Variants in SLC12A8 observed in about 807,000 individuals in gnomAD.
The protein encoded by SLC12A8 is cation-chloride cotransporter 9.
SLC12A8 carries 69 observed loss-of-function variants against 75.6 expected under a neutral mutation model. The observed-to-expected ratio is 0.91, with a 90% CI of 0.75 to 1.11. SLC12A8 has a LOEUF of 1.11. Ranked by LOEUF, SLC12A8 falls within the 50% of genes most tolerant of loss-of-function variation. The pLI is 0.00. For synonymous variants in SLC12A8, 365 were observed against 372.8 expected (o/e 0.98, Z 0.24); for missense variants, 877 against 896.7 (o/e 0.98, Z 0.28).
intron 5 of SLC12A8, among the ~76,000 whole-genome samples, chr3:125,149,756 G>GA (rs1281729119): frequency 2.6e-5 from 4 of 151,908 alleles, no homozygotes. Flanking sequence ...GGGCAGAGGG[G>GA]AAAAAGAGAG....
intron 4 of SLC12A8, among the ~76,000 whole-genome samples, chr3:125,183,506 C>A (rs752049038): frequency 6.6e-6 from 1 of 152,120 alleles, no homozygotes; most frequent in Non-Finnish European, 1.5e-5. Context: ...CCTGGAGGAC[C>A]AGCGCTGCCC....
chr3:125,101,126 G>A (rs1579468532), intron 10 of SLC12A8, among the ~76,000 whole-genome samples: 2 of 151,992 alleles, frequency 1.3e-5, no homozygotes, highest in East Asian at 1.9e-4. Flanking sequence ...TACACACTGT[G>A]TAGTGGTTAA....
intron 12 of SLC12A8, among the ~76,000 whole-genome samples, chr3:125,089,562 T>C (rs1287138107): frequency 6.7e-6 from 1 of 149,560 alleles, no homozygotes; most frequent in Non-Finnish European, 1.5e-5. Context: ...CATAAGGACC[T>C]CTTCTTAACA....
At chr3:125,164,537 G>A (rs1934245876) in intron 5 of SLC12A8, among the ~76,000 whole-genome samples, 1 of 152,236 alleles carries the variant, frequency 6.6e-6, no homozygotes, top group African/African-American at 2.4e-5. Flanking sequence ...GGAAATGCAG[G>A]AGGAAAAGGA....
chr3:125,101,018 T>C (rs1182598558), intron 10 of SLC12A8, among the ~76,000 whole-genome samples: 1 of 12,946 alleles, frequency 7.7e-5, no homozygotes, highest in African/African-American at 3.2e-4. Context: ...AGACTCCGTC[T>C]CAAAAAAAAA....
intron 5 of SLC12A8, among the ~76,000 whole-genome samples, chr3:125,168,275 A>G (rs932527479): frequency 6.6e-6 from 1 of 152,202 alleles, no homozygotes; most frequent in African/African-American, 2.4e-5. Flanking sequence ...CATTCAGATG[A>G]TAAGCTGATT....
At chr3:125,162,416 G>A (rs539420084) in intron 5 of SLC12A8, among the ~76,000 whole-genome samples, 3 of 152,120 alleles carry the variant, frequency 2.0e-5, no homozygotes, top group East Asian at 1.9e-4. Context: ...ACCTTTCTGC[G>A]ATCCCAGTAT....
At chr3:125,187,794 G>C (rs770457052) in intron 3 of SLC12A8, among the ~76,000 whole-genome samples, 2 of 147,276 alleles carry the variant, frequency 1.4e-5, no homozygotes, top group African/African-American at 2.5e-5. Context: ...TGCCTGGAAG[G>C]CCTCTCCTGC....
chr3:125,165,506 C>T (rs1005948295), intron 5 of SLC12A8, among the ~76,000 whole-genome samples: 2 of 152,208 alleles, frequency 1.3e-5, no homozygotes, highest in African/African-American at 4.8e-5. Flanking sequence ...GGGGACACGC[C>T]CTGCTGGGAG....
chr3:125,169,355 T>C (rs669532), intron 5 of SLC12A8, among the ~76,000 whole-genome samples: 152,227 of 152,248 alleles, frequency 1, 76,103 homozygotes, highest in Middle Eastern at 1. Flanking sequence ...TTTGGAAGGA[T>C]GGGACAGGAG....
intron 5 of SLC12A8, among the ~76,000 whole-genome samples, chr3:125,145,360 T>C (rs759228251): frequency 7.9e-5 from 12 of 152,074 alleles, no homozygotes; most frequent in Non-Finnish European, 1.8e-4. Flanking sequence ...ATGCAAAAAA[T>C]ATAAAACATT....
At chr3:125,132,155 G>T (rs1055799189) in intron 6 of SLC12A8, among the ~76,000 whole-genome samples, 1 of 152,210 alleles carries the variant, frequency 6.6e-6, no homozygotes, top group African/African-American at 2.4e-5. Flanking sequence ...TGGAGCTGGT[G>T]CAGAGCATGG....
chr3:125,085,640 G>A (rs1028150122), intron 13 of SLC12A8, among the ~76,000 whole-genome samples: 3 of 152,188 alleles, frequency 2.0e-5, no homozygotes, highest in Admixed American at 6.5e-5. Flanking sequence ...TGCAGTGGTT[G>A]ATCTCAGCTT....
At chr3:125,211,421 G>T in intron 1 of SLC12A8, 27 bp from the exon 2 acceptor site, 2 of 1,285,104 alleles carry the variant, frequency 1.6e-6, no homozygotes, top group Non-Finnish European at 1.1e-6. Context: ...TCCTTGGTCA[G>T]GCTGGCTTCT....
At chr3:125,096,240 C>T (rs1938707948) in intron 10 of SLC12A8, among the ~76,000 whole-genome samples, 1 of 152,186 alleles carries the variant, frequency 6.6e-6, no homozygotes, top group African/African-American at 2.4e-5. Context: ...ATCATCTTCC[C>T]AGTGAGATCT....
intron 10 of SLC12A8, among the ~76,000 whole-genome samples, chr3:125,098,130 C>T (rs774596425): frequency 1.3e-5 from 2 of 151,948 alleles, no homozygotes; most frequent in African/African-American, 4.8e-5. Context: ...AAATATTAAA[C>T]CCTCTGTGAA....
chr3:125,173,744 CA>C (rs1401384196), intron 5 of SLC12A8, among the ~76,000 whole-genome samples: 2 of 152,196 alleles, frequency 1.3e-5, no homozygotes, highest in African/African-American at 4.8e-5. Context: ...AAAAAATTTG[CA>C]AAACACACAT....
chr3:125,107,801 A>G lies in SLC12A8; in HGVS notation c.1385T>C (p.Met462Thr). 3 of 1,614,050 alleles carry G rather than the reference A, an allele frequency of 1.9e-6. No homozygotes were observed. Among genetic ancestry groups the G allele is most frequent in the Non-Finnish European group, 1.7e-6 (2 of 1,180,004 alleles). ...EGTLLEFTKD[M>T]DQLLQLTRKL... ...CCTGGTTAGCTGGAGGAGCTGATCC[A>G]TGTCCTTGGTGAATTCCAGTAGCGT... Residue 462 changes from methionine to threonine, a missense_variant, in exon 10 of 14, where the codon ATG (methionine) becomes ACG (threonine). Coordinates refer to ENST00000469902, the MANE Select transcript of SLC12A8 (RefSeq NM_024628.6).
At chr3:125,186,727 T>C (rs527275614) in intron 4 of SLC12A8, among the ~76,000 whole-genome samples, 134 of 152,322 alleles carry the variant, frequency 8.8e-4, no homozygotes, top group African/African-American at 3.0e-3. Flanking sequence ...ATTCTCCCTC[T>C]CAGACAGGGC....
Sources: gnomAD v4.1 joint callset for allele counts (sites outside exome capture counted in the v4.1 genomes callset) on GRCh38, gnomAD v4.1.1 for gene constraint, MANE v1.5 for transcripts, NCBI Gene and HGNC (gene_info 2026-07-23, HGNC 2026-07-21) for gene names.